Variants in ITGA1 observed in about 807,000 individuals in gnomAD.
The protein encoded by ITGA1 is integrin subunit alpha 1.
In ITGA1, 85 loss-of-function variants were observed where a neutral mutation model predicts 145.9. The ratio of observed to expected loss-of-function variants is 0.58; its 90% CI spans 0.49 to 0.70. The LOEUF (loss-of-function observed/expected upper bound fraction) is 0.70. Among genes scored for constraint, ITGA1 ranks in the 30% least tolerant of loss-of-function variants. The pLI is 0.00. For synonymous variants in ITGA1, 520 were observed against 495.3 expected, an observed-to-expected ratio of 1.05 and a Z score of -0.66; for missense variants, 1,351 against 1,418.7, an observed-to-expected ratio of 0.95 and a Z score of 0.77.
chr5:52,886,468 C>T (rs1374772960), intron 7 of ITGA1, among the ~76,000 whole-genome samples: 3 of 152,166 alleles, frequency 2.0e-5, no homozygotes, highest in Non-Finnish European at 4.4e-5. Context: ...GCAAATCTAT[C>T]CCAAATGGCA....
chr5:52,899,305 G>T (rs1209037869), intron 11 of ITGA1, among the ~76,000 whole-genome samples: 1 of 152,152 alleles, frequency 6.6e-6, no homozygotes, highest in African/African-American at 2.4e-5. Context: ...TATCAGGAAG[G>T]TGGCAGGTCT....
chr5:52,847,728 T>C (rs1749359790), intron 1 of ITGA1, among the ~76,000 whole-genome samples: 1 of 152,174 alleles, frequency 6.6e-6, no homozygotes, highest in Admixed American at 6.5e-5. Flanking sequence ...AATATTTGTA[T>C]ATTTTTAGTA....
intron 2 of ITGA1, among the ~76,000 whole-genome samples, chr5:52,860,413 G>T (rs905204034): frequency 6.6e-6 from 1 of 152,158 alleles, no homozygotes; most frequent in Non-Finnish European, 1.5e-5. Flanking sequence ...GGGCGTGGTG[G>T]CGTGCACCTG....
chr5:52,818,589 G>A (rs1748815017), intron 1 of ITGA1, among the ~76,000 whole-genome samples: 1 of 152,166 alleles, frequency 6.6e-6, no homozygotes, highest in Non-Finnish European at 1.5e-5. Context: ...ATGCCTTTTA[G>A]AAGTGGTTTT....
rs201495264 is a variant in ITGA1 at position 52,865,672 on chromosome 5, T to G, written c.497-18T>G. 4.9e-5 allele frequency: 73 copies of G among 1,500,148 alleles called. No individual in the cohort carries two copies. The highest frequency in any genetic ancestry group is 5.8e-5 in the Non-Finnish European group (66 of 1,130,812). 92.9% of individuals were successfully genotyped at this position (1,500,148 alleles called of 1,614,324 possible). A position where few individuals can be genotyped will look rare whatever the true frequency, so the allele number is the denominator to read the frequency against. ...AAAAATAGATTCCAAATTTGACAAT[T>G]GACTCCTTTTATTGCAGAATGCAGC... On this transcript the variant is annotated intron_variant, in intron 5 of 28. Coordinates refer to ENST00000282588, the MANE Select transcript of ITGA1 (RefSeq NM_181501.2).
chr5:52,864,099 T>G (rs891077035), intron 3 of ITGA1: 5 of 152,260 alleles, frequency 3.3e-5, no homozygotes, highest in Non-Finnish European at 7.3e-5. Context: ...GTTCTTGTTT[T>G]TCCTGTCCAG....
At chr5:52,934,131 CATAAAT>C (rs1579727956) in intron 23 of ITGA1, 135 bp downstream of exon 23, 2 of 252,228 alleles carry the variant, frequency 7.9e-6, no homozygotes, top group Non-Finnish European at 7.8e-6. Flanking sequence ...TTTATAATTT[CATAAAT>C]ATAAATATAG....
intron 23 of ITGA1, among the ~76,000 whole-genome samples, chr5:52,936,679 T>C (rs1181000261): frequency 1.3e-5 from 2 of 152,214 alleles, no homozygotes; most frequent in Non-Finnish European, 2.9e-5. Context: ...GAGTTCAGTT[T>C]CCTGTTGAAC....
chr5:52,850,672 T>C (rs1410038351), intron 2 of ITGA1, among the ~76,000 whole-genome samples: 2 of 152,216 alleles, frequency 1.3e-5, no homozygotes, highest in African/African-American at 2.4e-5. Context: ...TCACATTTTT[T>C]AAGTACATTA....
chr5:52,864,880 A>G (rs761284827), intron 4 of ITGA1, 29 bp downstream of exon 4: 1 of 1,552,890 alleles, frequency 6.4e-7, no homozygotes, highest in Non-Finnish European at 8.9e-7. Context: ...ATATTTATTG[A>G]CAACAGATAT....
chr5:52,920,529 TATTTC>T (rs1445843293), intron 17 of ITGA1, 61 bp downstream of exon 17: 66 of 1,280,560 alleles, frequency 5.2e-5, no homozygotes, highest in Non-Finnish European at 6.5e-5. Context: ...AGAGATGTCT[TATTTC>T]AAGTCAATCA....
At chr5:52,879,131 G>T (rs1248169500) in intron 6 of ITGA1, among the ~76,000 whole-genome samples, 4 of 152,082 alleles carry the variant, frequency 2.6e-5, no homozygotes, top group Admixed American at 2.6e-4. Flanking sequence ...AAGACCTTGG[G>T]AGAAGATGGC....
rs950314995 is a variant in ITGA1 at position 52,800,526 on chromosome 5, C to A, written c.61+12112C>A. 3 of 1,613,988 alleles carry A rather than the reference C, an allele frequency of 1.9e-6. No homozygotes were observed. The African/African-American group carries it at 4.0e-5, about 22-fold the overall frequency. ...GCGACAGCCTGCGCGCCTCCACCAT[C>A]CGCAAGGTACAGACAGAGTCCTCCA... On this transcript the variant is annotated intron_variant, in intron 1 of 28. Transcript: ENST00000282588.
intron 15 of ITGA1, among the ~76,000 whole-genome samples, chr5:52,916,758 G>A (rs1331984112): frequency 6.6e-6 from 1 of 152,116 alleles, no homozygotes; most frequent in Non-Finnish European, 1.5e-5. Flanking sequence ...AGGGACAATG[G>A]ATATACTTCA....
chr5:52,877,884 T>C (rs1252755074), intron 6 of ITGA1, among the ~76,000 whole-genome samples: 1 of 152,202 alleles, frequency 6.6e-6, no homozygotes, highest in East Asian at 1.9e-4. Context: ...ACAGCTGCCT[T>C]AGATCCAGCT....
At chr5:52,913,291 T>C (rs1750596346) in intron 14 of ITGA1, among the ~76,000 whole-genome samples, 1 of 152,214 alleles carries the variant, frequency 6.6e-6, no homozygotes, top group Admixed American at 6.5e-5. Flanking sequence ...CTTGATTTTA[T>C]ATTTAATGTC....
At chr5:52,940,219 C>T (rs1307967981) in intron 26 of ITGA1, among the ~76,000 whole-genome samples, 1 of 152,022 alleles carries the variant, frequency 6.6e-6, no homozygotes, top group Non-Finnish European at 1.5e-5. Flanking sequence ...AGATAAATAC[C>T]TTTCCAGTAC....
chr5:52,925,349 T>C lies in ITGA1; in HGVS notation c.2475T>C (p.Thr825=), dbSNP rs368649717. ...ISDLSLHVAT[T]EKDLLIVRSQ... ...ACCTCAGCCTGCATGTCGCCACCAC[T>C]GAAAAGGACCTGCTGATTGTCCGAT... Residue 825 remains threonine, a synonymous_variant, in exon 19 of 29, where the codon ACT becomes ACC. Coordinates refer to ENST00000282588, the MANE Select transcript of ITGA1 (RefSeq NM_181501.2). The C allele has an allele frequency of 1.9e-6, 3 of 1,614,132 alleles. No individual in the cohort carries two copies. The highest frequency in any genetic ancestry group is 2.5e-6 in the Non-Finnish European group (3 of 1,179,974).
At chr5:52,910,680 CTATA>C (rs1402935369) in intron 14 of ITGA1, among the ~76,000 whole-genome samples, 1 of 145,186 alleles carries the variant, frequency 6.9e-6, no homozygotes, top group Non-Finnish European at 1.5e-5. Context: ...TATATACACA[CTATA>C]TATACTATAT....
Sources: allele counts gnomAD v4.1 joint callset (sites outside exome capture counted in the v4.1 genomes callset), GRCh38; gene constraint gnomAD v4.1.1; transcripts MANE v1.5; gene names NCBI Gene and HGNC (gene_info 2026-07-23, HGNC 2026-07-21).